The following PARN variants were observed in gnomAD, a reference collection of about 807,000 sequenced individuals.
PARN encodes poly(A)-specific ribonuclease PARN.
In PARN, 71 loss-of-function variants were observed where a neutral mutation model predicts 102.8. The ratio of observed to expected loss-of-function variants is 0.69; its 90% CI spans 0.57 to 0.84. The LOEUF is 0.84. Ranked by LOEUF, PARN falls within the 40% of genes least tolerant of loss-of-function variation. The pLI is 0.00. For synonymous variants in PARN, 261 were observed against 252.9 expected (o/e 1.03, Z -0.30); for missense variants, 782 against 760.9 (o/e 1.03, Z -0.33).
rs769233539 is a variant in PARN, at chr16:14,582,150, C to T, written c.1192+31G>A. ...AGGTAAGATCCACCCTAGATCACTG[C>T]GTGTTTGACTGAAAGACATGTAATG... On this transcript the variant is annotated intron_variant, in intron 17 of 23. Transcript: ENST00000437198. 7 of 1,325,300 alleles carry T rather than the reference C, an allele frequency of 5.3e-6. No homozygotes were observed. The East Asian group carries it at 6.9e-5, about 13-fold the overall frequency. The allele number at this position is 1,325,300 out of a possible 1,614,324, so 82.1% of individuals were successfully genotyped here.
At chr16:14,618,447 C>T (rs374874118) in intron 5 of PARN, among the ~76,000 whole-genome samples, 1 of 150,824 alleles carries the variant, frequency 6.6e-6, no homozygotes, top group South Asian at 2.1e-4. Flanking sequence ...GAGATCATGC[C>T]ACTGCCACTG....
At chr16:14,602,603 C>T (rs562549840) in intron 11 of PARN, among the ~76,000 whole-genome samples, 4 of 152,254 alleles carry the variant, frequency 2.6e-5, no homozygotes, top group Non-Finnish European at 4.4e-5. Flanking sequence ...TGTATCAAAA[C>T]GGGCCATGCA....
At chr16:14,520,199 A>C (rs1281198178) in intron 21 of PARN, among the ~76,000 whole-genome samples, 1 of 152,204 alleles carries the variant, frequency 6.6e-6, no homozygotes, top group Non-Finnish European at 1.5e-5. Context: ...CTTCTTCAAC[A>C]AACGAGGGGG....
chr16:14,619,512 C>T (rs184097529), intron 5 of PARN, among the ~76,000 whole-genome samples: 1 of 151,878 alleles, frequency 6.6e-6, no homozygotes, highest in Non-Finnish European at 1.5e-5. Flanking sequence ...CACCTGTAAT[C>T]CCAGCACTTT....
rs150561062 is a variant in PARN at position 14,583,821 on chromosome 16, C to T, written c.1081+526G>A. Reference sequence around the variant, plus strand: ...CTCTCCACATACCTTGGTGGTGGCCCGAGGTGGCAAAACACCTCCATCTCA... The same window carrying T: ...CTCTCCACATACCTTGGTGGTGGCCTGAGGTGGCAAAACACCTCCATCTCA... On this transcript the variant is annotated intron_variant, in intron 16 of 23. Coordinates refer to ENST00000437198, the MANE Select transcript of PARN (RefSeq NM_002582.4). Among the ~76,000 whole-genome samples the T allele has an allele frequency of 2.0e-5, 3 of 152,074 alleles. No homozygotes were observed. The South Asian group carries it at 6.2e-4, about 32-fold the overall frequency.
At chr16:14,601,687 C>G (rs1477124450) in intron 11 of PARN, 1 of 152,030 alleles carries the variant, frequency 6.6e-6, no homozygotes, top group Non-Finnish European at 1.5e-5. Context: ...CTTTGGCAGG[C>G]TGAGGCAGGC....
At chr16:14,448,846 A>T (rs1961317682) in intron 22 of PARN, among the ~76,000 whole-genome samples, 1 of 152,140 alleles carries the variant, frequency 6.6e-6, no homozygotes, top group Non-Finnish European at 1.5e-5. Context: ...CATTTCTATT[A>T]TAGACAGCTT....
intron 23 of PARN, among the ~76,000 whole-genome samples, chr16:14,444,930 C>T (rs1490019932): frequency 3.9e-5 from 6 of 152,170 alleles, no homozygotes; most frequent in Non-Finnish European, 5.9e-5. Flanking sequence ...GCGATCCTCC[C>T]GATTCAGCCT....
chr16:14,451,593 G>A (rs1171017721), intron 22 of PARN, among the ~76,000 whole-genome samples: 2 of 151,984 alleles, frequency 1.3e-5, no homozygotes, highest in African/African-American at 4.8e-5. Flanking sequence ...AATCTTCAGA[G>A]AAAAAAATTC....
chr16:14,467,894 T>C (rs546919545), intron 22 of PARN, among the ~76,000 whole-genome samples: 1 of 152,234 alleles, frequency 6.6e-6, no homozygotes, highest in South Asian at 2.1e-4. Flanking sequence ...TGGGAAGACA[T>C]GTTCCAAGTG....
intron 21 of PARN, among the ~76,000 whole-genome samples, chr16:14,526,144 A>C (rs1218092211): frequency 1.3e-5 from 2 of 150,872 alleles, no homozygotes; most frequent in Admixed American, 6.6e-5. Context: ...ACTTTTCCCA[A>C]GAACTTGCCA....
chr16:14,590,976 G>A (rs1030955059), intron 13 of PARN, among the ~76,000 whole-genome samples: 1 of 152,198 alleles, frequency 6.6e-6, no homozygotes, highest in Non-Finnish European at 1.5e-5. Context: ...TTAGCTGGGC[G>A]TGGTAGTGCA....
intron 23 of PARN, among the ~76,000 whole-genome samples, chr16:14,446,392 T>A (rs1351159294): frequency 6.6e-6 from 1 of 152,140 alleles, no homozygotes; most frequent in Non-Finnish European, 1.5e-5. Context: ...AGGAGAGAAA[T>A]GGCTCCTACT....
chr16:14,468,106 T>A (rs982673178), intron 22 of PARN, among the ~76,000 whole-genome samples: 2 of 152,158 alleles, frequency 1.3e-5, no homozygotes, highest in Non-Finnish European at 2.9e-5. Flanking sequence ...GCACTTCTAG[T>A]CGAAGGGAAG....
At chr16:14,498,675 C>T (rs952539059) in intron 21 of PARN, among the ~76,000 whole-genome samples, 1 of 152,122 alleles carries the variant, frequency 6.6e-6, no homozygotes, top group African/African-American at 2.4e-5. Context: ...GCTTCCCATC[C>T]TCTGTGGAGA....
At position 14,630,078 on chromosome 16, in the gene PARN, AGGCGGGGAGGTGTAC is replaced by A. The variant is rs2151827636; in HGVS notation, c.19+14_19+28del. 1.3e-6 allele frequency: 2 copies of A among 1,548,326 alleles called. No homozygotes were observed. Among genetic ancestry groups the A allele is most frequent in the East Asian group, 2.4e-5 (1 of 41,566 alleles). On this transcript the variant is annotated intron_variant, in intron 1 of 23. Coordinates refer to ENST00000437198, the MANE Select transcript of PARN (RefSeq NM_002582.4). ...AGGCCAGGGGCAGCCGGGTGTGGGG[AGGCGGGGAGGTGTAC>A]GGCGGACACGCACTGCTCCTGATTA...
At chr16:14,618,367 A>C (rs1454331331) in intron 5 of PARN, among the ~76,000 whole-genome samples, 1 of 152,026 alleles carries the variant, frequency 6.6e-6, no homozygotes, top group African/African-American at 2.4e-5. Flanking sequence ...ATGTGCCTCT[A>C]GTCCCAGCTG....
chr16:14,626,894 G>C (rs1376292186), intron 5 of PARN, among the ~76,000 whole-genome samples: 1 of 152,060 alleles, frequency 6.6e-6, no homozygotes, highest in African/African-American at 2.4e-5. Context: ...TGGGATTATA[G>C]GCATGAGCCG....
At chr16:14,576,143 G>A (rs1437732398) in intron 18 of PARN, 1 of 152,244 alleles carries the variant, frequency 6.6e-6, no homozygotes, top group Admixed American at 6.5e-5. Flanking sequence ...CAATACAGAA[G>A]GTGAATCATT....
Sources: allele counts gnomAD v4.1 joint callset (sites outside exome capture counted in the v4.1 genomes callset), GRCh38; gene constraint gnomAD v4.1.1; transcripts MANE v1.5; gene names NCBI Gene and HGNC (gene_info 2026-07-23, HGNC 2026-07-21).